Variants in FNBP4 observed in about 807,000 individuals in gnomAD.
The protein encoded by FNBP4 is formin-binding protein 4.
In FNBP4, 34 loss-of-function variants were observed where a neutral mutation model predicts 119.3. That is an observed-to-expected ratio of 0.28 (90% CI 0.22 to 0.38). The LOEUF (loss-of-function observed/expected upper bound fraction) is 0.38. FNBP4 is among the 10% of genes least tolerant of loss of function. FNBP4 has a pLI of 1.00. For synonymous variants in FNBP4, 462 were observed against 430.6 expected (o/e 1.07, Z -0.90); for missense variants, 1,112 against 1,228.9 (o/e 0.90, Z 1.42).
intron 7 of FNBP4, among the ~76,000 whole-genome samples, chr11:47,745,840 T>C (rs897956793): frequency 2.0e-5 from 3 of 152,146 alleles, no homozygotes; most frequent in East Asian, 1.9e-4. Flanking sequence ...GTTGAAATAT[T>C]GGGGGTGAGT....
chr11:47,744,279 T>TG, intron 7 of FNBP4, 116 bp from the exon 8 acceptor site: 1 of 354,530 alleles, frequency 2.8e-6, no homozygotes. Flanking sequence ...CAGAAAGCAC[T>TG]TTTTTTTTTT....
intron 1 of FNBP4, among the ~76,000 whole-genome samples, chr11:47,766,432 C>T (rs556602422): frequency 3.9e-5 from 6 of 152,326 alleles, no homozygotes; most frequent in South Asian, 2.1e-4. Flanking sequence ...CCAAACACTG[C>T]TATTGCGGAT....
intron 2 of FNBP4, among the ~76,000 whole-genome samples, chr11:47,761,256 T>C (rs1264074836): frequency 1.3e-5 from 2 of 152,170 alleles, no homozygotes; most frequent in Non-Finnish European, 2.9e-5. Flanking sequence ...AGAGTAACAC[T>C]GAAAATAAAC....
At chr11:47,753,475 G>A (rs1565157919) in intron 3 of FNBP4, among the ~76,000 whole-genome samples, 1 of 152,116 alleles carries the variant, frequency 6.6e-6, no homozygotes, top group African/African-American at 2.4e-5. Context: ...GCTGGATGTG[G>A]TGGTGGGCAC....
intron 12 of FNBP4, chr11:47,725,578 G>T (rs1318122538): frequency 6.4e-6 from 1 of 155,052 alleles, no homozygotes; most frequent in African/African-American, 2.4e-5. Flanking sequence ...TAAAACTGCA[G>T]TGGTTTTGAA....
intron 15 of FNBP4, among the ~76,000 whole-genome samples, chr11:47,722,408 G>A (rs2097556861): frequency 6.6e-6 from 1 of 151,806 alleles, no homozygotes; most frequent in African/African-American, 2.4e-5. Flanking sequence ...AAGAGAAGCA[G>A]TTGTATGTTT....
chr11:47,743,904 T>G, intron 8 of FNBP4, 49 bp downstream of exon 8: 1 of 1,498,618 alleles, frequency 6.7e-7, no homozygotes, highest in Non-Finnish European at 9.3e-7. Context: ...AGAGTTTCCT[T>G]CCCCTCTATA....
At chr11:47,740,407 G>C (rs1183581044) in intron 8 of FNBP4, among the ~76,000 whole-genome samples, 5 of 149,876 alleles carry the variant, frequency 3.3e-5, no homozygotes, top group African/African-American at 5.0e-5. Flanking sequence ...GTGAGACCCC[G>C]TCTCAAAAAA....
chr11:47,741,874 AT>A (rs1411771650), intron 8 of FNBP4, among the ~76,000 whole-genome samples: 1 of 152,170 alleles, frequency 6.6e-6, no homozygotes, highest in Non-Finnish European at 1.5e-5. Context: ...TCTAATGGAC[AT>A]TTGAGTGCTC....
intron 2 of FNBP4, among the ~76,000 whole-genome samples, chr11:47,757,516 C>T (rs1278084496): frequency 2.1e-5 from 3 of 144,100 alleles, no homozygotes; most frequent in South Asian, 2.3e-4. Flanking sequence ...CCGGCTGAGA[C>T]GGAGTCTTGC....
intron 2 of FNBP4, among the ~76,000 whole-genome samples, chr11:47,764,742 G>A (rs532394945): frequency 6.6e-6 from 1 of 152,282 alleles, no homozygotes; most frequent in Non-Finnish European, 1.5e-5. Flanking sequence ...ATATCTCAGA[G>A]ATAAAAGATC....
chr11:47,734,776 C>T (rs988284765), intron 9 of FNBP4, among the ~76,000 whole-genome samples: 1 of 151,918 alleles, frequency 6.6e-6, no homozygotes, highest in East Asian at 1.9e-4. Context: ...AGATAGAGAC[C>T]ATCCTCGCCA....
intron 8 of FNBP4, among the ~76,000 whole-genome samples, chr11:47,739,810 C>T (rs1599200576): frequency 1.3e-5 from 2 of 152,256 alleles, no homozygotes; most frequent in East Asian, 1.9e-4. Context: ...GGGAGTTTTG[C>T]TCTTGTTGCC....
intron 2 of FNBP4, 48 bp from the exon 3 acceptor site, chr11:47,754,712 T>A (rs746482837): frequency 6.3e-7 from 1 of 1,587,142 alleles, no homozygotes; most frequent in African/African-American, 1.4e-5. Context: ...TGTCAATATG[T>A]CCTAAGAAGC....
At position 47,719,846 on chromosome 11, in the gene FNBP4, T is replaced by C. The variant is rs537702732; in HGVS notation, c.2963+83A>G. The C allele has an allele frequency of 4.8e-5, 69 of 1,446,474 alleles. No homozygotes were observed. In the South Asian group the frequency reaches 9.0e-4, roughly 19 times the overall value. 89.6% of individuals were successfully genotyped at this position (1,446,474 alleles called of 1,614,324 possible). ...GAATATGTCTATTCTAATGCATCTA[T>C]AACAACCACAACCTACTCCATCTCA... On this transcript the variant is annotated intron_variant, in intron 16 of 16. Transcript: ENST00000263773.
chr11:47,750,514 AC>A, intron 6 of FNBP4, among the ~76,000 whole-genome samples: 1 of 150,482 alleles, frequency 6.6e-6, no homozygotes, highest in South Asian at 2.1e-4. Context: ...ACAGTGAAAC[AC>A]CGTCTCCACT....
chr11:47,757,816 T>C (rs568428681), intron 2 of FNBP4, among the ~76,000 whole-genome samples: 1 of 141,924 alleles, frequency 7.0e-6, no homozygotes, highest in African/African-American at 2.4e-5. Context: ...TTTCTAAAGT[T>C]TGATTTGTTT....
intron 12 of FNBP4, chr11:47,729,889 G>T (rs1168075063): frequency 3.0e-6 from 3 of 985,278 alleles, no homozygotes; most frequent in Non-Finnish European, 3.6e-6. Flanking sequence ...AATTCTAGGG[G>T]TTCTCAATAA....
At chr11:47,744,640 T>G (rs1258720796) in intron 7 of FNBP4, among the ~76,000 whole-genome samples, 1 of 152,200 alleles carries the variant, frequency 6.6e-6, no homozygotes, top group African/African-American at 2.4e-5. Flanking sequence ...ATGGGATACA[T>G]GAGATGTTTT....
Sources: gnomAD v4.1 joint callset for allele counts (sites outside exome capture counted in the v4.1 genomes callset) on GRCh38, gnomAD v4.1.1 for gene constraint, MANE v1.5 for transcripts, NCBI Gene and HGNC (gene_info 2026-07-23, HGNC 2026-07-21) for gene names.